MRAS: variants seen among roughly 807,000 people sequenced by gnomAD.
MRAS encodes ras-related protein M-Ras.
Under a neutral mutation model 20.9 loss-of-function variants are expected in MRAS, and 4 were observed. The ratio of observed to expected loss-of-function variants is 0.19; its 90% CI spans 0.09 to 0.44. MRAS has a LOEUF of 0.44. Among genes scored for constraint, MRAS ranks in the 20% least tolerant of loss-of-function variants. The pLI is 0.99. For missense variants in MRAS, 154 were observed against 277.5 expected (o/e 0.56, Z 3.16); for synonymous variants, 98 against 102.9 (o/e 0.95, Z 0.29).
At chr3:138,373,734 T>C (rs2108521245) in intron 2 of MRAS, among the ~76,000 whole-genome samples, 1 of 152,360 alleles carries the variant, frequency 6.6e-6, no homozygotes, top group Admixed American at 6.5e-5. Context: ...TCCTAAGGTA[T>C]TTCTATGTGA....
intron 1 of MRAS, among the ~76,000 whole-genome samples, chr3:138,370,912 C>T (rs2054661573): frequency 6.6e-6 from 1 of 152,142 alleles, no homozygotes; most frequent in Admixed American, 6.5e-5. Flanking sequence ...TGTTTTGCAG[C>T]CTGTCTTTTT....
At chr3:138,348,082 G>C (rs1460536750), upstream of MRAS, 2 of 152,232 alleles carry the variant, frequency 1.3e-5, no homozygotes, top group Admixed American at 1.3e-4. Context: ...CACCCAGAAG[G>C]CCTGCGGGGA....
At chr3:138,363,819 A>AACCCCCC (rs2054501005) in intron 1 of MRAS, among the ~76,000 whole-genome samples, 5 of 32,940 alleles carry the variant, frequency 1.5e-4, no homozygotes, top group East Asian at 1.1e-3. Context: ...TAGAGGATTT[A>AACCCCCC]CCCCCCCCCC....
intron 2 of MRAS, among the ~76,000 whole-genome samples, chr3:138,373,334 T>C (rs1576359680): frequency 6.6e-6 from 1 of 152,198 alleles, no homozygotes; most frequent in Admixed American, 6.5e-5. Flanking sequence ...AGTGATGTCA[T>C]GTGTGTTTTT....
At chr3:138,356,897 T>C (rs2054345974) in intron 1 of MRAS, among the ~76,000 whole-genome samples, 1 of 151,990 alleles carries the variant, frequency 6.6e-6, no homozygotes, top group Admixed American at 6.6e-5. Context: ...ACTGACCCCG[T>C]CCCCCCGTCC....
chr3:138,394,660 C>G (rs539678012), intron 2 of MRAS, among the ~76,000 whole-genome samples: 133 of 152,294 alleles, frequency 8.7e-4, no homozygotes, highest in Non-Finnish European at 1.1e-3. Context: ...GACTCTGAAG[C>G]CTGTGTCAAA....
At chr3:138,394,440 G>A (rs1484365224) in intron 2 of MRAS, among the ~76,000 whole-genome samples, 1 of 152,154 alleles carries the variant, frequency 6.6e-6, no homozygotes, top group Non-Finnish European at 1.5e-5. Context: ...GAAGGGCTGT[G>A]GGGACAGGTG....
At position 138,394,083 on chromosome 3, in the gene MRAS, A is replaced by AT. The variant is rs879506449; in HGVS notation, c.194-3228dup. On this transcript the variant is annotated intron_variant, in intron 2 of 5. Coordinates refer to ENST00000423968, the MANE Select transcript of MRAS (RefSeq NM_001085049.3). Reference sequence around the variant, plus strand: ...TTTATTAATTGCAGTTCTGAGTCGAATTTTTTTTTTTTTCTAAGAAAAAAA... The same window carrying AT: ...TTTATTAATTGCAGTTCTGAGTCGAATTTTTTTTTTTTTTCTAAGAAAAAAA... Among the ~76,000 whole-genome samples, 138 of 141,874 alleles carry AT rather than the reference A, an allele frequency of 9.7e-4. No individual in the cohort carries two copies. In the Middle Eastern group the frequency reaches 0.011, roughly 11 times the overall value. The allele number at this position is 141,874 out of a possible 152,430, so 93.1% of individuals were successfully genotyped here.
intron 2 of MRAS, among the ~76,000 whole-genome samples, chr3:138,385,575 G>A (rs1385266552): frequency 2.0e-5 from 3 of 151,646 alleles, no homozygotes; most frequent in African/African-American, 7.3e-5. Context: ...GAGTGCAGTG[G>A]CACAACCTTG....
chr3:138,356,594 A>G lies in MRAS; in HGVS notation c.-19+7827A>G, dbSNP rs545262987. On this transcript the variant is annotated intron_variant, in intron 1 of 5. Coordinates refer to ENST00000423968, the MANE Select transcript of MRAS (RefSeq NM_001085049.3). ...CCAACACTGCTCTCACCAGTCTATC[A>G]TGGTCTTCTTTCAATGTCTGCTTTA... is the stretch of plus-strand genomic sequence containing the variant. Among the ~76,000 whole-genome samples, 4 of 152,264 alleles carry G rather than the reference A, an allele frequency of 2.6e-5. No homozygotes were observed. The East Asian group carries it at 7.7e-4, about 29-fold the overall frequency.
intron 1 of MRAS, among the ~76,000 whole-genome samples, chr3:138,372,073 G>T (rs933317318): frequency 7.9e-5 from 12 of 152,060 alleles, no homozygotes; most frequent in Admixed American, 7.2e-4. Context: ...TCTTCACTGG[G>T]GGGGACTGCC....
intron 1 of MRAS, among the ~76,000 whole-genome samples, chr3:138,370,038 G>A (rs1250422760): frequency 2.6e-5 from 4 of 152,150 alleles, no homozygotes; most frequent in Admixed American, 6.5e-5. Context: ...GCCAAACACC[G>A]ACCGGGAACG....
intron 1 of MRAS, among the ~76,000 whole-genome samples, chr3:138,367,325 AG>A (rs376886570): frequency 8.5e-4 from 130 of 152,348 alleles, no homozygotes; most frequent in Non-Finnish European, 1.7e-3. Flanking sequence ...ACTGGGCACC[AG>A]GAAGTTAAGA....
chr3:138,348,487 G>C (rs2054159529), upstream of MRAS: 1 of 152,156 alleles, frequency 6.6e-6, no homozygotes, highest in East Asian at 1.9e-4. Context: ...CGAGGCACCC[G>C]GCCCGGGCTC....
At chr3:138,387,878 C>T (rs571245150) in intron 2 of MRAS, among the ~76,000 whole-genome samples, 3 of 152,300 alleles carry the variant, frequency 2.0e-5, no homozygotes, top group African/African-American at 7.2e-5. Flanking sequence ...AAACTTATCC[C>T]AAGACCCCCT....
intron 2 of MRAS, among the ~76,000 whole-genome samples, chr3:138,384,280 A>G (rs1028510155): frequency 2.6e-5 from 4 of 152,184 alleles, no homozygotes; most frequent in African/African-American, 9.6e-5. Context: ...GCGAGTGAGA[A>G]GAGCTCACTC....
intron 1 of MRAS, among the ~76,000 whole-genome samples, chr3:138,363,818 T>TCCCCCC: frequency 1.5e-5 from 1 of 65,386 alleles, no homozygotes; most frequent in Non-Finnish European, 3.1e-5. Context: ...TTAGAGGATT[T>TCCCCCC]ACCCCCCCCC....
At chr3:138,383,444 C>T (rs1220773643) in intron 2 of MRAS, among the ~76,000 whole-genome samples, 3 of 152,150 alleles carry the variant, frequency 2.0e-5, no homozygotes, top group African/African-American at 7.2e-5. Flanking sequence ...GATCCGCCCA[C>T]CTTGGCCTCC....
intron 2 of MRAS, among the ~76,000 whole-genome samples, chr3:138,395,405 C>G (rs1438658014): frequency 6.6e-6 from 1 of 152,128 alleles, no homozygotes; most frequent in African/African-American, 2.4e-5. Flanking sequence ...GTGAAACTTA[C>G]ACAGTGTGGC....
Sources: allele counts gnomAD v4.1 joint callset (sites outside exome capture counted in the v4.1 genomes callset), GRCh38; gene constraint gnomAD v4.1.1; transcripts MANE v1.5; gene names NCBI Gene and HGNC (gene_info 2026-07-23, HGNC 2026-07-21).